Variants in HSDL1 observed in about 807,000 individuals in gnomAD.
The protein encoded by HSDL1 is inactive hydroxysteroid dehydrogenase-like protein 1.
In HSDL1, 29 loss-of-function variants were observed where a neutral mutation model predicts 31.5. The observed-to-expected ratio is 0.92, with a 90% confidence interval of 0.69 to 1.26. The LOEUF (loss-of-function observed/expected upper bound fraction) is 1.26, where lower values mean the gene tolerates loss of function less well. Among genes scored for constraint, HSDL1 ranks in the 50% most tolerant of loss-of-function variants. The pLI is 0.00. For synonymous variants in HSDL1, 222 were observed against 155.2 expected (o/e 1.43, Z -3.20); for missense variants, 503 against 416.6 (o/e 1.21, Z -1.81).
chr16:84,130,391 T>C lies in HSDL1; in HGVS notation c.261A>G (p.Leu87=). Residue 87 remains leucine, a synonymous_variant, in exon 4 of 6, where the codon TTA becomes TTG. Transcript: ENST00000219439. Reference sequence around the variant, plus strand: ...GGATTATATTGAGACCTCGGCTTGCTAACTCTTCAGCGTAGGCTTTTCCAA... The same window carrying C: ...GGATTATATTGAGACCTCGGCTTGCCAACTCTTCAGCGTAGGCTTTTCCAA... ...DGIGKAYAEE[L]ASRGLNIILI... 6.2e-7 allele frequency: 1 copy of C among 1,613,500 alleles called. No individual in the cohort carries two copies. The highest frequency in any genetic ancestry group is 1.1e-5 in the South Asian group (1 of 91,040).
chr16:84,124,780 GAAGGA>G, intron 5 of HSDL1, 52 bp from the exon 6 acceptor site: 2 of 1,218,038 alleles, frequency 1.6e-6, no homozygotes, highest in Non-Finnish European at 2.4e-6. Context: ...AATCAACACT[GAAGGA>G]ACAAGTACAC....
chr16:84,124,845 C>G, intron 5 of HSDL1, 117 bp from the exon 6 acceptor site: 1 of 644,058 alleles, frequency 1.6e-6, no homozygotes, highest in Non-Finnish European at 2.8e-6. Context: ...ACCAATCAAT[C>G]ACAACAAATA....
At chr16:84,140,669 G>C (rs1026042759) in intron 1 of HSDL1, among the ~76,000 whole-genome samples, 2 of 152,176 alleles carry the variant, frequency 1.3e-5, no homozygotes, top group Non-Finnish European at 1.5e-5. Context: ...AACCAGTGTC[G>C]TGGAAGTCCT....
chr16:84,144,140 C>G (rs1407005343), intron 1 of HSDL1, among the ~76,000 whole-genome samples: 1 of 149,168 alleles, frequency 6.7e-6, no homozygotes, highest in Non-Finnish European at 1.5e-5. Flanking sequence ...ATGCAAAAGA[C>G]TCTGCTAAGT....
Position 84,131,341 on chromosome 16 carries a change from G to A in HSDL1, c.-6-14C>T. 1 of 1,538,110 alleles carries A rather than the reference G, an allele frequency of 6.5e-7. No homozygotes were observed. Among genetic ancestry groups the A allele is most frequent in the Non-Finnish European group, 9.0e-7 (1 of 1,111,714 alleles). On this transcript the variant is annotated splice_polypyrimidine_tract_variant and intron_variant, in intron 2 of 5. Transcript: ENST00000219439. ...AGCCATGGCAACCTGCAGGGAGAGG[G>A]AAAGAGAGAGAGCCTCTTTGATTAA... is the stretch of plus-strand genomic sequence containing the variant.
intron 1 of HSDL1, chr16:84,139,408 G>C (rs1299597935): frequency 1.3e-5 from 2 of 152,282 alleles, no homozygotes; most frequent in Non-Finnish European, 1.5e-5. Flanking sequence ...TGCTGGTTTC[G>C]ATAATAGAGA....
In HSDL1 at chr16:84,129,537, C is replaced by T. The variant is rs777604364; in HGVS notation, c.894+11G>A. On this transcript the variant is annotated intron_variant, in intron 5 of 5. Coordinates refer to ENST00000219439, the MANE Select transcript of HSDL1 (RefSeq NM_031463.5). ...ATTAATCTAATTATGAGACCTGAAG[C>T]ACACTCCTACCTGAATAGAATGGGA... 1.6e-5 allele frequency: 25 copies of T among 1,584,824 alleles called. No individual in the cohort carries two copies. The highest frequency in any genetic ancestry group is 2.2e-5 in the Non-Finnish European group (25 of 1,153,388).
intron 1 of HSDL1, among the ~76,000 whole-genome samples, chr16:84,142,956 C>G (rs1028413891): frequency 6.6e-5 from 10 of 152,184 alleles, no homozygotes; most frequent in Non-Finnish European, 1.5e-4. Context: ...TGGTATAGGA[C>G]TAAACGCACA....
intron 2 of HSDL1, among the ~76,000 whole-genome samples, chr16:84,132,741 G>A (rs929591513): frequency 1.3e-5 from 2 of 152,172 alleles, no homozygotes; most frequent in East Asian, 3.9e-4. Context: ...GGCATGGGGG[G>A]TCTGGCCACA....
intron 2 of HSDL1, among the ~76,000 whole-genome samples, chr16:84,135,218 G>A (rs1436850992): frequency 1.3e-5 from 2 of 151,646 alleles, no homozygotes; most frequent in African/African-American, 2.4e-5. Flanking sequence ...GGACGACAGA[G>A]GGAGACTCCG....
intron 3 of HSDL1, 25 bp downstream of exon 3, chr16:84,131,077 T>G (rs1429503708): frequency 1.3e-6 from 2 of 1,557,996 alleles, no homozygotes; most frequent in African/African-American, 2.7e-5. Flanking sequence ...ACAGAAAAGA[T>G]TATTTTGATT....
intron 5 of HSDL1, among the ~76,000 whole-genome samples, chr16:84,126,330 G>A (rs927615748): frequency 1.3e-5 from 2 of 152,072 alleles, no homozygotes; most frequent in African/African-American, 4.8e-5. Context: ...ATGCTGCTCT[G>A]CTTCAGGGTC....
intron 1 of HSDL1, among the ~76,000 whole-genome samples, chr16:84,140,668 C>G (rs1389686155): frequency 2.0e-5 from 3 of 152,218 alleles, no homozygotes; most frequent in East Asian, 3.8e-4. Flanking sequence ...AAACCAGTGT[C>G]GTGGAAGTCC....
chr16:84,144,459 G>T (rs2086816282), intron 1 of HSDL1: 1 of 152,416 alleles, frequency 6.6e-6, no homozygotes, highest in Non-Finnish European at 1.5e-5. Flanking sequence ...TTCAGAACGG[G>T]GACCTGCCTG....
At position 84,131,040 on chromosome 16, in the gene HSDL1, A is replaced by T. The variant is rs1223760198; in HGVS notation, c.220+62T>A. The T allele has an allele frequency of 1.6e-6, 2 of 1,287,246 alleles. 1 individual carries two copies. The highest frequency in any genetic ancestry group is 2.2e-6 in the Non-Finnish European group (2 of 907,228). 79.7% of individuals were successfully genotyped at this position (1,287,246 alleles called of 1,614,324 possible). On this transcript the variant is annotated intron_variant, in intron 3 of 5. Transcript: ENST00000219439. The stretch of plus-strand genomic sequence containing the variant: ...ATAAAAACACCACATTAAATTCAAT[A>T]GCTCCTTGAATAATGCATCCGACTT...
rs753100460 is a variant in HSDL1 at position 84,124,672 on chromosome 16, G to A, written c.951C>T (p.Leu317=). Residue 317 remains leucine (L), a synonymous_variant, in exon 6 of 6, where the codon CTC becomes CTT. Transcript: ENST00000219439. ...EWLWVWGANI[L]NRSLRKEALS... is the part of the protein sequence containing the mutation. Reference sequence around the variant, plus strand: ...AGGCTTCCTTACGTAGTGAACGGTTGAGAATATTTGCTCCCCACACCCAGA... The same window carrying A: ...AGGCTTCCTTACGTAGTGAACGGTTAAGAATATTTGCTCCCCACACCCAGA... 1.9e-6 allele frequency: 3 copies of A among 1,613,798 alleles called. No individual in the cohort carries two copies. The South Asian group carries it at 3.3e-5, about 18-fold the overall frequency.
chr16:84,138,389 T>C (rs549414183), intron 1 of HSDL1, among the ~76,000 whole-genome samples: 2 of 152,352 alleles, frequency 1.3e-5, no homozygotes, highest in African/African-American at 4.8e-5. Context: ...TCTGGAGAGC[T>C]AATGTACAGT....
chr16:84,131,443 A>G (rs2086664977), intron 2 of HSDL1, 116 bp from the exon 3 acceptor site: 2 of 704,434 alleles, frequency 2.8e-6, no homozygotes, highest in South Asian at 1.7e-5. Context: ...GTACGTTCAA[A>G]TAACACTAAC....
At position 84,122,808 on chromosome 16, in the gene HSDL1, A is replaced by C. The variant is rs1379952274; in HGVS notation, c.*1822T>G. 1 of 152,224 alleles carries C rather than the reference A, an allele frequency of 6.6e-6. No homozygotes were observed. The highest frequency in any genetic ancestry group is 2.4e-5 in the African/African-American group (1 of 41,446). 9.4% of individuals were successfully genotyped at this position (152,224 alleles called of 1,614,324 possible). ...GCAGCTATGGACAGCTCGGCACCAC[A>C]TTTGCACCAATCAGCATGTTTGCCC... On this transcript the variant is annotated 3_prime_UTR_variant, in exon 6 of 6. Transcript: ENST00000219439.
Sources: allele counts gnomAD v4.1 joint callset (sites outside exome capture counted in the v4.1 genomes callset), GRCh38; gene constraint gnomAD v4.1.1; transcripts MANE v1.5; gene names NCBI Gene and HGNC (gene_info 2026-07-23, HGNC 2026-07-21).